The following CYRIB variants were observed in gnomAD, a reference collection of about 807,000 sequenced individuals.
The protein encoded by CYRIB is CYFIP related Rac1 interactor B.
In CYRIB, 8 loss-of-function variants were observed where a neutral mutation model predicts 44.2. The ratio of observed to expected loss-of-function variants is 0.18; its 90% CI spans 0.11 to 0.33. CYRIB has a LOEUF of 0.33. Among genes scored for constraint, CYRIB ranks in the 10% least tolerant of loss-of-function variants. The pLI is 1.00. For missense variants in CYRIB, 185 were observed against 382.8 expected (o/e 0.48, Z 4.31); for synonymous variants, 131 against 127.2 (o/e 1.03, Z -0.20).
intron 2 of CYRIB, among the ~76,000 whole-genome samples, chr8:129,965,686 C>T (rs1222453689): frequency 6.6e-6 from 1 of 151,720 alleles, no homozygotes; most frequent in African/African-American, 2.4e-5. Flanking sequence ...GTCCCAGCTA[C>T]TTGGGAGGCT....
intron 1 of CYRIB, among the ~76,000 whole-genome samples, chr8:129,979,141 AAAAT>A (rs1491307744): frequency 1.3e-5 from 2 of 152,160 alleles, no homozygotes; most frequent in African/African-American, 4.8e-5. Flanking sequence ...ACTCTGTCTC[AAAAT>A]AAATAAATAA....
intron 1 of CYRIB, among the ~76,000 whole-genome samples, chr8:130,007,533 C>T (rs2097129712): frequency 6.6e-6 from 1 of 152,188 alleles, no homozygotes; most frequent in Admixed American, 6.5e-5. Flanking sequence ...GCCTGTAATC[C>T]CAGCACTTTG....
At chr8:129,859,088 T>C (rs374212428) in intron 5 of CYRIB, among the ~76,000 whole-genome samples, 5 of 151,920 alleles carry the variant, frequency 3.3e-5, no homozygotes, top group African/African-American at 4.8e-5. Context: ...CTGATATTTA[T>C]TGGATACAAG....
chr8:130,005,382 C>T (rs565969814), intron 1 of CYRIB, among the ~76,000 whole-genome samples: 2 of 152,280 alleles, frequency 1.3e-5, no homozygotes, highest in East Asian at 1.9e-4. Context: ...CAAAAGAACT[C>T]GCCCTCCTCA....
At chr8:129,979,615 C>A (rs2132598992) in intron 1 of CYRIB, among the ~76,000 whole-genome samples, 1 of 152,176 alleles carries the variant, frequency 6.6e-6, no homozygotes, top group African/African-American at 2.4e-5. Flanking sequence ...GCAGGAGGGT[C>A]TATTAATTAT....
intron 1 of CYRIB, among the ~76,000 whole-genome samples, chr8:130,016,012 C>T (rs1221207411): frequency 6.6e-6 from 1 of 151,954 alleles, no homozygotes; most frequent in Non-Finnish European, 1.5e-5. Flanking sequence ...CAGGGACCAG[C>T]CACCCCGACC....
At chr8:129,897,880 C>T (rs1323481740) in intron 2 of CYRIB, among the ~76,000 whole-genome samples, 2 of 152,034 alleles carry the variant, frequency 1.3e-5, no homozygotes, top group African/African-American at 4.8e-5. Flanking sequence ...ATTCTCCTGC[C>T]TCAGCCTCCC....
chr8:129,850,590 C>G (rs1463681018), intron 9 of CYRIB: 1 of 491,034 alleles, frequency 2.0e-6, no homozygotes, highest in African/African-American at 2.0e-5. Context: ...AACTAAGAGT[C>G]TGAGTCAGTC....
At chr8:129,972,739 A>G (rs2095755563) in intron 1 of CYRIB, among the ~76,000 whole-genome samples, 1 of 151,768 alleles carries the variant, frequency 6.6e-6, no homozygotes, top group Non-Finnish European at 1.5e-5. Flanking sequence ...CATCCCAGGA[A>G]CATACCCCAC....
chr8:129,949,615 C>A (rs1466844770), intron 2 of CYRIB, among the ~76,000 whole-genome samples: 1 of 152,110 alleles, frequency 6.6e-6, no homozygotes, highest in African/African-American at 2.4e-5. Context: ...TGCCTGTAAT[C>A]CCAGCACTTT....
Position 129,849,210 on chromosome 8 carries a change from GT to G in CYRIB, c.840+32del, listed in dbSNP as rs761218893. The G allele has an allele frequency of 4.3e-5, 67 of 1,545,016 alleles. No homozygotes were observed. In the Admixed American group the frequency reaches 1.1e-3, roughly 26 times the overall value. ...TCCTATGGTTTCCATGGAGAAACTC[GT>G]TTGAAATTATTTATATAAAACAATA... On this transcript the variant is annotated intron_variant, in intron 10 of 11. Coordinates refer to ENST00000519824, the Ensembl canonical transcript of CYRIB.
At chr8:129,924,290 C>CGG (rs2085885465) in intron 1 of CYRIB, among the ~76,000 whole-genome samples, 1 of 1,996 alleles carries the variant, frequency 5.0e-4, no homozygotes, top group Non-Finnish European at 1.5e-3. Flanking sequence ...AAAAAAAAAA[C>CGG]CGGGGGGGGG....
chr8:129,967,219 CAA>C (rs2131998301), intron 2 of CYRIB, among the ~76,000 whole-genome samples: 1 of 152,238 alleles, frequency 6.6e-6, no homozygotes, highest in Non-Finnish European at 1.5e-5. Flanking sequence ...TCATTTCTTC[CAA>C]ACTCCGTGTT....
At chr8:129,913,316 T>A (rs2079037491) in intron 1 of CYRIB, among the ~76,000 whole-genome samples, 1 of 152,208 alleles carries the variant, frequency 6.6e-6, no homozygotes, top group Non-Finnish European at 1.5e-5. Flanking sequence ...GCTCTTGAGA[T>A]AAACCTTGTC....
At chr8:129,862,203 T>C in intron 5 of CYRIB, 26 bp downstream of exon 7, 1 of 1,485,616 alleles carries the variant, frequency 6.7e-7, no homozygotes, top group Non-Finnish European at 9.4e-7. Flanking sequence ...ACTAGGGAAG[T>C]CACAATTACA....
chr8:129,998,459 T>C (rs1369912403), intron 1 of CYRIB, among the ~76,000 whole-genome samples: 1 of 152,158 alleles, frequency 6.6e-6, no homozygotes, highest in East Asian at 1.9e-4. Flanking sequence ...CCAGCCTTAA[T>C]GAAACCCTAA....
chr8:129,844,949 T>C (rs558242695), intron 11 of CYRIB, among the ~76,000 whole-genome samples: 3 of 152,312 alleles, frequency 2.0e-5, no homozygotes, highest in Admixed American at 2.0e-4. Context: ...AGACCTGATT[T>C]TGTTGTTTCT....
intron 2 of CYRIB, among the ~76,000 whole-genome samples, chr8:129,887,417 C>T (rs952949519): frequency 1.3e-5 from 2 of 152,212 alleles, no homozygotes; most frequent in Non-Finnish European, 2.9e-5. Context: ...GCAGAAGGTA[C>T]ACTGCAGGGG....
At chr8:129,849,193 T>C (rs2041997872) in intron 10 of CYRIB, 50 bp downstream of exon 12, 4 of 1,520,022 alleles carry the variant, frequency 2.6e-6, no homozygotes, top group Non-Finnish European at 1.8e-6. Context: ...AATCCTATGG[T>C]TTCCATGGAG....
Sources: gnomAD v4.1 joint callset for allele counts (sites outside exome capture counted in the v4.1 genomes callset) on GRCh38, gnomAD v4.1.1 for gene constraint, MANE v1.5 for transcripts, NCBI Gene and HGNC (gene_info 2026-07-23, HGNC 2026-07-21) for gene names.